Variants in PLCB4 observed in about 807,000 individuals in gnomAD.
PLCB4 encodes the protein phospholipase C beta 4, also known as 1-phosphatidylinositol 4,5-bisphosphate phosphodiesterase beta-4.
Under a neutral mutation model 178.8 loss-of-function variants are expected in PLCB4, and 77 were observed. That is an observed-to-expected ratio of 0.43 (90% confidence interval 0.36 to 0.52). The LOEUF is 0.52. Ranked by LOEUF, PLCB4 falls within the 20% of genes least tolerant of loss-of-function variation. PLCB4 has a pLI of 0.00. For synonymous variants in PLCB4, 496 were observed against 490.8 expected, an observed-to-expected ratio of 1.01 and a Z score of -0.14; for missense variants, 1,024 against 1,453.4, an observed-to-expected ratio of 0.70 and a Z score of 4.80.
At chr20:9,190,196 T>C (rs1234500003) in intron 2 of PLCB4, among the ~76,000 whole-genome samples, 2 of 152,176 alleles carry the variant, frequency 1.3e-5, no homozygotes, top group Admixed American at 6.5e-5. Flanking sequence ...TGAGGATACC[T>C]AGAAGCTGAC....
At chr20:9,353,217 T>A (rs2148172203) in intron 7 of PLCB4, among the ~76,000 whole-genome samples, 1 of 152,334 alleles carries the variant, frequency 6.6e-6, no homozygotes, top group African/African-American at 2.4e-5. Flanking sequence ...TGATGTAGCT[T>A]TCTATCCTGG....
chr20:9,129,245 C>T (rs2092211991), intron 2 of PLCB4, among the ~76,000 whole-genome samples: 1 of 152,138 alleles, frequency 6.6e-6, no homozygotes, highest in African/African-American at 2.4e-5. Flanking sequence ...TGACCACCTG[C>T]CGTACTCACA....
At chr20:9,394,696 C>T (rs2038427021) in intron 18 of PLCB4, among the ~76,000 whole-genome samples, 1 of 152,120 alleles carries the variant, frequency 6.6e-6, no homozygotes, top group South Asian at 2.1e-4. Flanking sequence ...TTGTGCAACC[C>T]TCTCCTTGAA....
At chr20:9,147,832 C>T (rs940982898) in intron 2 of PLCB4, among the ~76,000 whole-genome samples, 1 of 152,104 alleles carries the variant, frequency 6.6e-6, no homozygotes, top group Non-Finnish European at 1.5e-5. Flanking sequence ...CACAAAGTTA[C>T]GTAGCCGAGA....
chr20:9,208,290 C>G (rs2093635886), intron 2 of PLCB4, among the ~76,000 whole-genome samples: 1 of 152,184 alleles, frequency 6.6e-6, no homozygotes, highest in Non-Finnish European at 1.5e-5. Context: ...TAAACCATTT[C>G]TGTCTCATAG....
At position 9,384,423 on chromosome 20, in the gene PLCB4, A is replaced by C; in HGVS notation, c.1064+12A>C. On this transcript the variant is annotated intron_variant, in intron 14 of 39. Coordinates refer to ENST00000378473, the MANE Select transcript of PLCB4 (RefSeq NM_001377142.1). ...CTGGCTGGTTGCAGGTGAGGAACTC[A>C]AGATGGCAATTTGTTTTTTGTGTGT... is the stretch of plus-strand genomic sequence containing the variant. 1 of 1,597,196 alleles carries C rather than the reference A, an allele frequency of 6.3e-7. No homozygotes were observed. The highest frequency in any genetic ancestry group is 8.6e-7 in the Non-Finnish European group (1 of 1,164,500).
intron 2 of PLCB4, among the ~76,000 whole-genome samples, chr20:9,210,238 T>C (rs1348534526): frequency 1.3e-5 from 2 of 152,182 alleles, no homozygotes; most frequent in Non-Finnish European, 2.9e-5. Flanking sequence ...TTTTGCATTG[T>C]AGAGCCAGTT....
intron 3 of PLCB4, among the ~76,000 whole-genome samples, chr20:9,303,671 C>A (rs760318189): frequency 6.6e-6 from 1 of 152,006 alleles, no homozygotes; most frequent in Non-Finnish European, 1.5e-5. Context: ...TCTCTTTGAC[C>A]TACTGATTTC....
chr20:9,185,832 C>A (rs1472284097), intron 2 of PLCB4, among the ~76,000 whole-genome samples: 2 of 152,154 alleles, frequency 1.3e-5, no homozygotes, highest in Non-Finnish European at 2.9e-5. Context: ...CTCTGCCTTC[C>A]CCCACTCATC....
In PLCB4 at chr20:9,464,201, G is replaced by C. The variant is rs1392512500; in HGVS notation, c.3249-4370G>C. On this transcript the variant is annotated intron_variant, in intron 35 of 39. Transcript: ENST00000378473. ...ACTACTGGGTAAATAATGGAATGAA[G>C]GCAGAAATAAAGATGTTCTTTGAAA... Among the ~76,000 whole-genome samples the C allele has an allele frequency of 6.6e-5, 10 of 152,132 alleles. No homozygotes were observed. In the East Asian group the frequency reaches 1.9e-3, roughly 29 times the overall value.
intron 3 of PLCB4, among the ~76,000 whole-genome samples, chr20:9,270,834 CAA>C (rs1366069019): frequency 1.3e-5 from 2 of 151,594 alleles, no homozygotes; most frequent in African/African-American, 4.8e-5. Flanking sequence ...CAAAAAAAAA[CAA>C]ATATTTTTTA....
In PLCB4 at chr20:9,214,934, TAAAG is replaced by T. The variant is rs535139275; in HGVS notation, c.-78-2453_-78-2450del. Among the ~76,000 whole-genome samples the T allele has an allele frequency of 2.1e-4, 32 of 152,314 alleles. No individual in the cohort carries two copies. In the South Asian group the frequency reaches 4.6e-3, roughly 22 times the overall value. The stretch of plus-strand genomic sequence containing the variant: ...TTATGTTAGATAGTTGCTAGGGAAT[TAAAG>T]AAGAGAAGGGAAAACATGTGTCCAG... On this transcript the variant is annotated intron_variant, in intron 2 of 39. Coordinates refer to ENST00000378473, the MANE Select transcript of PLCB4 (RefSeq NM_001377142.1).
At chr20:9,213,474 G>A (rs1337835710) in intron 2 of PLCB4, among the ~76,000 whole-genome samples, 7 of 152,092 alleles carry the variant, frequency 4.6e-5, no homozygotes, top group Non-Finnish European at 1.0e-4. Flanking sequence ...GTTAATTCAC[G>A]TAGTCATGTG....
intron 3 of PLCB4, among the ~76,000 whole-genome samples, chr20:9,299,778 T>C (rs895315083): frequency 6.6e-5 from 10 of 152,044 alleles, no homozygotes; most frequent in Admixed American, 2.6e-4. Flanking sequence ...ATAGATTTTG[T>C]ACACATTTAC....
At chr20:9,422,361 C>T (rs538136046) in intron 27 of PLCB4, among the ~76,000 whole-genome samples, 14 of 152,306 alleles carry the variant, frequency 9.2e-5, no homozygotes, top group South Asian at 2.1e-4. Flanking sequence ...TTTAAGTTTA[C>T]GCTGGGATCC....
At position 9,419,836 on chromosome 20, in the gene PLCB4, G is replaced by A. The variant is rs1013854398; in HGVS notation, c.2081G>A (p.Arg694Gln). The change falls in exon 26 of 40, where the codon CGG becomes CAG. Residue 694 changes from arginine to glutamine, a missense_variant. Physicochemically the swap from Arg to Gln is conservative, Grantham distance 43. This residue lies in a region of PLCB4 where 227 missense variants were observed against 374.3 expected (regional missense o/e 0.61). Transcript: ENST00000378473. ...CTTCTCAAACCAGATTTCATGAGGC[G>A]GCCTGATCGAACATTTGACCCCTTC... ...GYLLKPDFMR[R>Q]PDRTFDPFSE... 1 of 1,613,768 alleles carries A rather than the reference G, an allele frequency of 6.2e-7. No homozygotes were observed. Among genetic ancestry groups the A allele is most frequent in the Non-Finnish European group, 8.5e-7 (1 of 1,179,768 alleles).
intron 3 of PLCB4, among the ~76,000 whole-genome samples, chr20:9,249,452 TG>T (rs760603313): frequency 5.9e-5 from 9 of 152,216 alleles, no homozygotes; most frequent in Non-Finnish European, 1.0e-4. Flanking sequence ...GGACATCAGG[TG>T]TGTGCCACCA....
intron 3 of PLCB4, among the ~76,000 whole-genome samples, chr20:9,304,235 GTGT>G (rs2094738525): frequency 6.6e-6 from 1 of 151,478 alleles, no homozygotes; most frequent in African/African-American, 2.4e-5. Context: ...ATGTATGTGT[GTGT>G]GGGGGGGTGT....
intron 1 of PLCB4, among the ~76,000 whole-genome samples, chr20:9,072,247 A>T (rs2089611630): frequency 6.6e-6 from 1 of 152,182 alleles, no homozygotes; most frequent in Admixed American, 6.5e-5. Context: ...AGTGCTGTCC[A>T]TTCCACATTT....
Sources: gnomAD v4.1 joint callset for allele counts (sites outside exome capture counted in the v4.1 genomes callset) on GRCh38, gnomAD v4.1.1 for gene constraint, gnomAD v4.1.1 regional missense constraint, MANE v1.5 for transcripts, NCBI Gene and HGNC (gene_info 2026-07-23, HGNC 2026-07-21) for gene names.